Variants in KPNA6 observed in about 807,000 individuals in gnomAD.
KPNA6 encodes the protein karyopherin subunit alpha 6.
A neutral mutation model predicts 72.0 loss-of-function variants in KPNA6; 9 were observed. The ratio of observed to expected loss-of-function variants is 0.13; its 90% CI spans 0.08 to 0.22. The LOEUF (loss-of-function observed/expected upper bound fraction) is 0.22. KPNA6 is among the 10% of genes least tolerant of loss of function. KPNA6 has a pLI of 1.00. For synonymous variants in KPNA6, 219 were observed against 242.1 expected (o/e 0.90, Z 0.89); for missense variants, 374 against 655.7 (o/e 0.57, Z 4.69).
intron 1 of KPNA6, among the ~76,000 whole-genome samples, chr1:32,127,904 C>T (rs1158015472): frequency 6.6e-6 from 1 of 152,058 alleles, no homozygotes; most frequent in South Asian, 2.1e-4. Flanking sequence ...TGTAAAGCTT[C>T]CTGAAGGTAG....
intron 1 of KPNA6, among the ~76,000 whole-genome samples, chr1:32,121,500 C>A (rs1402013210): frequency 6.6e-6 from 1 of 152,108 alleles, no homozygotes; most frequent in Admixed American, 6.6e-5. Context: ...GAGGTTTGAT[C>A]ATCTATTTAT....
intron 1 of KPNA6, among the ~76,000 whole-genome samples, chr1:32,143,314 C>G (rs556395634): frequency 4.6e-5 from 7 of 152,216 alleles, no homozygotes; most frequent in East Asian, 3.9e-4. Context: ...AGTCTGCCCA[C>G]TTTGGCCTCC....
intron 1 of KPNA6, among the ~76,000 whole-genome samples, chr1:32,124,573 C>G (rs976430309): frequency 2.7e-5 from 4 of 150,356 alleles, no homozygotes; most frequent in African/African-American, 9.8e-5. Flanking sequence ...GTGGCACGAT[C>G]TCGGCTCACT....
rs181177591 is a variant in KPNA6 at position 32,141,455 on chromosome 1, T to C, written c.5-13133T>C. Among the ~76,000 whole-genome samples the C allele has an allele frequency of 8.7e-4, 119 of 136,358 alleles. 2 individuals carry two copies. Among genetic ancestry groups the C allele is most frequent in the Admixed American group, 8.5e-3 (103 of 12,060 alleles). 89.5% of individuals were successfully genotyped at this position (136,358 alleles called of 152,430 possible). A position where few individuals can be genotyped will look rare whatever the true frequency, so the allele number is the denominator to read the frequency against. ...CACTGTCACCCAGGCTGGAGTGCAG[T>C]GGCGCGATCTTGGCTTACTGCAACC... On this transcript the variant is annotated intron_variant, in intron 1 of 13. Coordinates refer to ENST00000373625, the MANE Select transcript of KPNA6 (RefSeq NM_012316.5).
chr1:32,134,884 A>T (rs1641705844), intron 1 of KPNA6, among the ~76,000 whole-genome samples: 1 of 151,148 alleles, frequency 6.6e-6, no homozygotes, highest in Non-Finnish European at 1.5e-5. Context: ...TCTTTTTTTT[A>T]ATTTTATTTA....
At chr1:32,154,550 T>C in intron 1 of KPNA6, 38 bp from the exon 2 acceptor site, 3 of 1,605,452 alleles carry the variant, frequency 1.9e-6, no homozygotes. Flanking sequence ...AATGCTGTCC[T>C]CTCAAGAGTT....
chr1:32,171,770 C>T lies in KPNA6; in HGVS notation c.*876C>T, dbSNP rs770758735. 2.0e-5 allele frequency: 3 copies of T among 152,202 alleles called. No homozygotes were observed. The highest frequency in any genetic ancestry group is 3.8e-4 in the East Asian group (2 of 5,198). 9.4% of individuals were successfully genotyped at this position (152,202 alleles called of 1,614,324 possible). ...TCACCTTCCAAATGGTGCGACCCAA[C>T]TTCATTTGTTTACTTGAAAATTCCC... On this transcript the variant is annotated 3_prime_UTR_variant, in exon 14 of 14. Transcript: ENST00000373625.
At chr1:32,115,136 G>A (rs764003325) in intron 1 of KPNA6, among the ~76,000 whole-genome samples, 2 of 150,660 alleles carry the variant, frequency 1.3e-5, no homozygotes, top group Admixed American at 6.6e-5. Flanking sequence ...CACCACACCC[G>A]GCTTCACTTT....
chr1:32,109,059 C>T (rs115544116), intron 1 of KPNA6, among the ~76,000 whole-genome samples: 206 of 152,310 alleles, frequency 1.4e-3, no homozygotes, highest in African/African-American at 4.8e-3. Context: ...ATAGATGCTA[C>T]CATTGCCATT....
intron 1 of KPNA6, among the ~76,000 whole-genome samples, chr1:32,137,689 A>G (rs961394823): frequency 2.6e-5 from 4 of 152,196 alleles, no homozygotes. Flanking sequence ...TCTAGAAGTG[A>G]GAGGTGATGA....
At position 32,173,210 on chromosome 1, in the gene KPNA6, AC is replaced by A; in HGVS notation, c.*2318del. On this transcript the variant is annotated 3_prime_UTR_variant, in exon 14 of 14. Coordinates refer to ENST00000373625, the MANE Select transcript of KPNA6 (RefSeq NM_012316.5). Reference sequence around the variant, plus strand: ...AAAAAAAAAAGCCTTCCCCTACCCAACCTCCGCCCATTGTTCTCTTCCAAAG... The same window carrying A: ...AAAAAAAAAAGCCTTCCCCTACCCAACTCCGCCCATTGTTCTCTTCCAAAG... 2.6e-6 allele frequency: 1 copy of A among 390,284 alleles called. No homozygotes were observed. The highest frequency in any genetic ancestry group is 4.5e-6 in the Non-Finnish European group (1 of 222,340). The allele number at this position is 390,284 out of a possible 1,614,324, so 24.2% of individuals were successfully genotyped here.
At chr1:32,123,314 T>G (rs1641471031) in intron 1 of KPNA6, among the ~76,000 whole-genome samples, 1 of 152,120 alleles carries the variant, frequency 6.6e-6, no homozygotes, top group African/African-American at 2.4e-5. Flanking sequence ...TTAGACCTTT[T>G]TTTCCCCCTA....
intron 1 of KPNA6, among the ~76,000 whole-genome samples, chr1:32,150,127 C>CTTTTTT (rs35179721): frequency 3.9e-4 from 34 of 87,054 alleles, no homozygotes; most frequent in Non-Finnish European, 6.0e-4. Flanking sequence ...AATTTTTAGT[C>CTTTTTT]TTTTTTTTTT....
chr1:32,163,180 C>A, intron 9 of KPNA6, 55 bp from the exon 10 acceptor site: 2 of 1,139,706 alleles, frequency 1.8e-6, no homozygotes, highest in Non-Finnish European at 2.7e-6. Flanking sequence ...GAGAGAGAAT[C>A]AGCAGGGCCG....
intron 1 of KPNA6, 148 bp downstream of exon 1, chr1:32,108,282 C>T: frequency 8.2e-7 from 1 of 1,213,524 alleles, no homozygotes; most frequent in Non-Finnish European, 1.2e-6. Context: ...GAGTGCCCCT[C>T]TTGCCAGTTT....
At chr1:32,163,742 G>A (rs1180165111) in intron 10 of KPNA6, among the ~76,000 whole-genome samples, 3 of 152,180 alleles carry the variant, frequency 2.0e-5, no homozygotes, top group Non-Finnish European at 2.9e-5. Flanking sequence ...TGAAGGCATA[G>A]TAAACAAAGT....
rs1642528602 is a variant in KPNA6 at position 32,176,432 on chromosome 1, A to G, written c.*5538A>G. 6.6e-6 allele frequency: 1 copy of G among 152,502 alleles called. No individual in the cohort carries two copies. Among genetic ancestry groups the G allele is most frequent in the South Asian group, 2.1e-4 (1 of 4,836 alleles). 9.4% of individuals were successfully genotyped at this position (152,502 alleles called of 1,614,324 possible). On this transcript the variant is annotated 3_prime_UTR_variant, in exon 14 of 14. Coordinates refer to ENST00000373625, the MANE Select transcript of KPNA6 (RefSeq NM_012316.5). ...CAGAGCAGACATAGGCGAAGAAAAC[A>G]TGGCATTGAGTGTGCTGAGTCCAGA... is the stretch of plus-strand genomic sequence containing the variant.
chr1:32,118,997 C>CACACAT (rs1317948681), intron 1 of KPNA6, among the ~76,000 whole-genome samples: 1 of 59,800 alleles, frequency 1.7e-5, no homozygotes, highest in Non-Finnish European at 2.9e-5. Flanking sequence ...TGTGTGTATA[C>CACACAT]ATATATATAT....
intron 13 of KPNA6, 32 bp downstream of exon 13, chr1:32,170,092 C>T (rs1249956697): frequency 6.3e-7 from 1 of 1,592,558 alleles, no homozygotes; most frequent in Non-Finnish European, 8.6e-7. Context: ...TAGGTCAGAA[C>T]CTGAGACTGT....
Sources: gnomAD v4.1 joint callset for allele counts (sites outside exome capture counted in the v4.1 genomes callset) on GRCh38, gnomAD v4.1.1 for gene constraint, MANE v1.5 for transcripts, NCBI Gene and HGNC (gene_info 2026-07-23, HGNC 2026-07-21) for gene names.